The following MDM4 variants were observed in gnomAD, a reference collection of about 807,000 sequenced individuals.
MDM4 encodes the protein MDM4 regulator of p53, also known as protein Mdm4.
In MDM4, 2 loss-of-function variants were observed where a neutral mutation model predicts 60.2. That is an observed-to-expected ratio of 0.03 (90% CI 0.01 to 0.10). MDM4 has a LOEUF of 0.10. Ranked by LOEUF, MDM4 falls within the 10% of genes least tolerant of loss-of-function variation. MDM4 has a pLI of 1.00. For missense variants in MDM4, 447 were observed against 577.5 expected, an observed-to-expected ratio of 0.77 and a Z score of 2.32; for synonymous variants, 202 against 198.1, an observed-to-expected ratio of 1.02 and a Z score of -0.17.
chr1:204,555,964 A>T lies in MDM4; in HGVS notation c.*6282A>T. 9.7e-6 allele frequency: 2 copies of T among 206,374 alleles called. No homozygotes were observed. The highest frequency in any genetic ancestry group is 1.5e-4 in the East Asian group (2 of 13,358). The allele number at this position is 206,374 out of a possible 1,614,324, so 12.8% of individuals were successfully genotyped here. ...AACAGTTAAGTACTGATGTCAACAG[A>T]CAAATATTTCTGATCAGATAGTCCC... is the stretch of plus-strand genomic sequence containing the variant. On this transcript the variant is annotated 3_prime_UTR_variant, in exon 11 of 11. Transcript: ENST00000367182.
chr1:204,524,361 C>T (rs1659889655), intron 1 of MDM4, among the ~76,000 whole-genome samples: 1 of 152,212 alleles, frequency 6.6e-6, no homozygotes, highest in Non-Finnish European at 1.5e-5. Context: ...TGAGCCACTG[C>T]ACCTGGCCTA....
intron 7 of MDM4, among the ~76,000 whole-genome samples, chr1:204,541,048 G>A (rs1662019778): frequency 6.6e-6 from 1 of 152,140 alleles, no homozygotes. Flanking sequence ...TAGTTACTTT[G>A]TAACTATTCC....
chr1:204,516,697 G>A (rs3789053), intron 1 of MDM4, among the ~76,000 whole-genome samples, 188 bp downstream of exon 1: 4,148 of 152,244 alleles, frequency 0.027, 104 homozygotes, highest in East Asian at 0.084. Context: ...TGGGATGAGG[G>A]CTCGCGGAAG....
intron 7 of MDM4, among the ~76,000 whole-genome samples, chr1:204,539,166 G>A (rs141822264): frequency 6.6e-6 from 1 of 152,180 alleles, no homozygotes; most frequent in Non-Finnish European, 1.5e-5. Flanking sequence ...ACTACGCCTG[G>A]CTAATTTTGG....
rs770583221 is a variant in MDM4, at chr1:204,557,385, C to CTG, written c.*7706_*7707dup. 2 of 181,254 alleles carry CTG rather than the reference C, an allele frequency of 1.1e-5. No homozygotes were observed. The highest frequency in any genetic ancestry group is 4.7e-5 in the African/African-American group (2 of 42,348). The allele number at this position is 181,254 out of a possible 1,614,324, so 11.2% of individuals were successfully genotyped here. ...ATTCTATCCTGATAAAACCACCTTG[C>CTG]TGTGGTCTTGATGTACAAAAAAAAA... is the stretch of plus-strand genomic sequence containing the variant. On this transcript the variant is annotated 3_prime_UTR_variant, in exon 11 of 11. Coordinates refer to ENST00000367182, the MANE Select transcript of MDM4 (RefSeq NM_002393.5).
intron 1 of MDM4, among the ~76,000 whole-genome samples, chr1:204,523,987 T>A (rs1659851540): frequency 6.6e-6 from 1 of 151,920 alleles, no homozygotes; most frequent in Admixed American, 6.6e-5. Flanking sequence ...GGGCGAGTAG[T>A]ATGGCGGGAA....
chr1:204,529,067 C>G, intron 3 of MDM4: 1 of 1,470,174 alleles, frequency 6.8e-7, no homozygotes, highest in Non-Finnish European at 9.4e-7. Context: ...CCATTTGGGA[C>G]AGAGCTTGCT....
At chr1:204,537,802 A>G (rs986639637) in intron 6 of MDM4, 3 of 611,260 alleles carry the variant, frequency 4.9e-6, no homozygotes, top group African/African-American at 3.7e-5. Flanking sequence ...AGATTTTAAT[A>G]GGCGTGTTGC....
intron 1 of MDM4, chr1:204,525,231 G>T (rs1660004432): frequency 1.9e-6 from 1 of 529,980 alleles, no homozygotes; most frequent in African/African-American, 2.0e-5. Flanking sequence ...GGAGGTTGGA[G>T]CGTGCCTGAA....
In MDM4 at chr1:204,525,614, T is replaced by G. The variant is rs1301587323; in HGVS notation, c.78+18T>G. ...TCAATCAGGTAAATCATTTTCGGTA[T>G]TTCTAGTTTTTTGGTTTTTTTTTTT... On this transcript the variant is annotated intron_variant, in intron 2 of 10. Transcript: ENST00000367182. 1 of 1,509,456 alleles carries G rather than the reference T, an allele frequency of 6.6e-7. No homozygotes were observed. The highest frequency in any genetic ancestry group is 9.0e-7 in the Non-Finnish European group (1 of 1,108,700). The allele number at this position is 1,509,456 out of a possible 1,614,324, so 93.5% of individuals were successfully genotyped here. A position where few individuals can be genotyped will look rare whatever the true frequency, so the allele number is the denominator to read the frequency against.
At chr1:204,533,284 C>G (rs1661052031) in intron 5 of MDM4, among the ~76,000 whole-genome samples, 1 of 152,190 alleles carries the variant, frequency 6.6e-6, no homozygotes, top group Non-Finnish European at 1.5e-5. Context: ...AACTTTTTCC[C>G]TCTCCACTAC....
intron 5 of MDM4, chr1:204,532,725 AAACTT>A (rs1462253590): frequency 1.9e-6 from 3 of 1,601,310 alleles, no homozygotes; most frequent in Non-Finnish European, 2.6e-6. Context: ...TTAATCTATA[AAACTT>A]AACTTTCCTT....
At chr1:204,542,983 T>G (rs912904222) in intron 8 of MDM4, 39 bp downstream of exon 8, 1 of 1,532,314 alleles carries the variant, frequency 6.5e-7, no homozygotes. Flanking sequence ...TTTTTTTCTT[T>G]TGAAAGGGTA....
Position 204,522,060 on chromosome 1 carries a change from T to TGCCTGTAATCCCAGG in MDM4, c.-35-3422_-35-3408dup, listed in dbSNP as rs1461441660. 5.3e-5 allele frequency among the ~76,000 whole-genome samples: 8 copies of TGCCTGTAATCCCAGG among 152,136 alleles called. 1 individual carries two copies. The East Asian group carries it at 9.7e-4, about 18-fold the overall frequency. On this transcript the variant is annotated intron_variant, in intron 1 of 10. Coordinates refer to ENST00000367182, the MANE Select transcript of MDM4 (RefSeq NM_002393.5). ...AGGGCAGGCTAGGAGTGGTGGCCCA[T>TGCCTGTAATCCCAGG]GCCTGTAATCCCAGGGATTACAGCA... is the stretch of plus-strand genomic sequence containing the variant.
At chr1:204,532,306 A>G (rs1660938632) in intron 5 of MDM4, 60 bp downstream of exon 5, 1 of 1,071,614 alleles carries the variant, frequency 9.3e-7, no homozygotes, top group Non-Finnish European at 1.4e-6. Flanking sequence ...GGGGCAAATG[A>G]TGGGAAAACA....
At chr1:204,534,521 T>C (rs1244516797) in intron 5 of MDM4, among the ~76,000 whole-genome samples, 4 of 152,204 alleles carry the variant, frequency 2.6e-5, no homozygotes, top group Non-Finnish European at 5.9e-5. Flanking sequence ...ACAGGATCTC[T>C]CTGTTGCTCA....
chr1:204,540,009 C>A (rs911598690), intron 7 of MDM4, among the ~76,000 whole-genome samples: 1 of 151,512 alleles, frequency 6.6e-6, no homozygotes, highest in African/African-American at 2.4e-5. Context: ...TAGCCGGGCG[C>A]GGTGGCTCAC....
At chr1:204,518,159 A>G (rs1659185791) in intron 1 of MDM4, among the ~76,000 whole-genome samples, 1 of 152,154 alleles carries the variant, frequency 6.6e-6, no homozygotes, top group Non-Finnish European at 1.5e-5. Flanking sequence ...CTGTCTCAAA[A>G]AAAGAGATGA....
chr1:204,527,575 G>A (rs1365055469), intron 3 of MDM4, among the ~76,000 whole-genome samples: 4 of 151,546 alleles, frequency 2.6e-5, no homozygotes, highest in Admixed American at 2.0e-4. Flanking sequence ...CCTGGGAGGC[G>A]GAGGTTGCGG....
Sources: gnomAD v4.1 joint callset for allele counts (sites outside exome capture counted in the v4.1 genomes callset) on GRCh38, gnomAD v4.1.1 for gene constraint, MANE v1.5 for transcripts, NCBI Gene and HGNC (gene_info 2026-07-23, HGNC 2026-07-21) for gene names.